The following ARHGAP18 variants were observed in gnomAD, a reference collection of about 807,000 sequenced individuals.
ARHGAP18 encodes the protein rho GTPase-activating protein 18.
ARHGAP18 carries 67 observed loss-of-function variants against 86.2 expected under a neutral mutation model. The ratio of observed to expected loss-of-function variants is 0.78; its 90% CI spans 0.64 to 0.95. ARHGAP18 has a LOEUF of 0.95. ARHGAP18 is among the 40% of genes least tolerant of loss of function. The pLI, the probability that ARHGAP18 is intolerant of heterozygous loss-of-function variation, is 0.00. For missense variants in ARHGAP18, 691 were observed against 780.4 expected, an observed-to-expected ratio of 0.89 and a Z score of 1.37; for synonymous variants, 283 against 280.4, an observed-to-expected ratio of 1.01 and a Z score of -0.09.
At chr6:129,608,678 T>C (rs1274747527) in intron 8 of ARHGAP18, among the ~76,000 whole-genome samples, 1 of 152,216 alleles carries the variant, frequency 6.6e-6, no homozygotes, top group Non-Finnish European at 1.5e-5. Flanking sequence ...CTCAGAACTC[T>C]ACAAAATTTG....
intron 1 of ARHGAP18, among the ~76,000 whole-genome samples, chr6:129,657,586 A>G (rs1262800846): frequency 6.6e-6 from 1 of 152,224 alleles, no homozygotes; most frequent in Non-Finnish European, 1.5e-5. Flanking sequence ...CAGGGCAACC[A>G]TCTGCATCGC....
chr6:129,667,713 G>T (rs1266915111), intron 1 of ARHGAP18, among the ~76,000 whole-genome samples: 2 of 151,926 alleles, frequency 1.3e-5, no homozygotes, highest in African/African-American at 4.8e-5. Context: ...GGAGGGCAAG[G>T]AGAAACTGAC....
At chr6:129,630,185 A>G (rs932334469) in intron 4 of ARHGAP18, among the ~76,000 whole-genome samples, 4 of 152,196 alleles carry the variant, frequency 2.6e-5, no homozygotes, top group Non-Finnish European at 4.4e-5. Flanking sequence ...TAATTTTCAC[A>G]TATTTACATC....
chr6:129,606,024 T>G (rs555606373), intron 9 of ARHGAP18, 65 bp from the exon 10 acceptor site: 1 of 1,517,050 alleles, frequency 6.6e-7, no homozygotes, highest in East Asian at 2.3e-5. Context: ...ACTTTATTTT[T>G]TCACTTTTTA....
intron 1 of ARHGAP18, among the ~76,000 whole-genome samples, chr6:129,708,138 G>T (rs970429437): frequency 3.9e-5 from 6 of 152,148 alleles, no homozygotes; most frequent in Non-Finnish European, 8.8e-5. Context: ...TAGCCCTTAA[G>T]GGTAAAAGCC....
At position 129,578,419 on chromosome 6, in the gene ARHGAP18, T is replaced by C. The variant is rs992159685; in HGVS notation, c.*94A>G. ...TTTTAAATACTTGGGTACAACTGAA[T>C]AATATGAGTCCTGCCATTTCTTTTA... On this transcript the variant is annotated 3_prime_UTR_variant, in exon 15 of 15. Transcript: ENST00000368149. 5.3e-6 allele frequency: 5 copies of C among 941,246 alleles called. No individual in the cohort carries two copies. Among genetic ancestry groups the C allele is most frequent in the Non-Finnish European group, 8.0e-6 (5 of 623,514 alleles). 58.3% of individuals were successfully genotyped at this position (941,246 alleles called of 1,614,324 possible). A position where few individuals can be genotyped will look rare whatever the true frequency, so the allele number is the denominator to read the frequency against.
chr6:129,634,107 TAAACATA>T lies in ARHGAP18; in HGVS notation c.553-9_553-3del. ...CTGCGATTCAGTGCCACCTGGAGCC[TAAACATA>T]GAAAACAGGCCATTTAGTCATCTCC... On this transcript the variant is annotated splice_region_variant and splice_polypyrimidine_tract_variant and intron_variant, in intron 3 of 14. Coordinates refer to ENST00000368149, the MANE Select transcript of ARHGAP18 (RefSeq NM_033515.3). 1.2e-6 allele frequency: 2 copies of T among 1,613,320 alleles called. No individual in the cohort carries two copies. The highest frequency in any genetic ancestry group is 1.7e-6 in the Non-Finnish European group (2 of 1,179,704).
At chr6:129,606,695 C>T (rs1053828425) in intron 9 of ARHGAP18, among the ~76,000 whole-genome samples, 2 of 151,896 alleles carry the variant, frequency 1.3e-5, no homozygotes, top group Non-Finnish European at 2.9e-5. Context: ...AAAGAAGAAA[C>T]ATGTTAAGAA....
At chr6:129,625,209 T>C (rs1312068634) in intron 5 of ARHGAP18, among the ~76,000 whole-genome samples, 2 of 58,140 alleles carry the variant, frequency 3.4e-5, no homozygotes, top group Non-Finnish European at 3.0e-5. Context: ...TATTTATATG[T>C]AATATATATG....
chr6:129,593,544 T>C (rs1788558991), intron 12 of ARHGAP18, among the ~76,000 whole-genome samples: 2 of 152,316 alleles, frequency 1.3e-5, no homozygotes, highest in East Asian at 1.9e-4. Flanking sequence ...AACCTGATCC[T>C]ACCCTATCAT....
chr6:129,597,353 G>A (rs1788634846), intron 12 of ARHGAP18, among the ~76,000 whole-genome samples: 1 of 152,070 alleles, frequency 6.6e-6, no homozygotes. Flanking sequence ...CCAGGCTGGA[G>A]ATGAGAATTT....
chr6:129,664,016 C>T (rs1773996856), intron 1 of ARHGAP18, among the ~76,000 whole-genome samples: 1 of 152,230 alleles, frequency 6.6e-6, no homozygotes, highest in East Asian at 1.9e-4. Context: ...GGGGCTGGCC[C>T]CTTTGAACAG....
In ARHGAP18 at chr6:129,618,863, C is replaced by T. The variant is rs1171492212; in HGVS notation, c.787-11G>A. 9.9e-6 allele frequency: 16 copies of T among 1,610,018 alleles called. No homozygotes were observed. Among genetic ancestry groups the T allele is most frequent in the African/African-American group, 1.3e-5 (1 of 74,694 alleles). ...TGGCAATCTGAAACTCTAAAATAAA[C>T]ATCATTAATATAGTAAAAGCTTACA... On this transcript the variant is annotated splice_polypyrimidine_tract_variant and intron_variant, in intron 5 of 14. Transcript: ENST00000368149.
At chr6:129,641,704 CT>C in intron 2 of ARHGAP18, 111 bp downstream of exon 2, 15 of 991,106 alleles carry the variant, frequency 1.5e-5, no homozygotes, top group South Asian at 3.4e-5. Context: ...AAGGCAGTAT[CT>C]TTTTTTGGTG....
Position 129,600,867 on chromosome 6 carries a change from T to C in ARHGAP18, c.1366-19A>G, listed in dbSNP as rs781144330. On this transcript the variant is annotated intron_variant, in intron 10 of 14. Transcript: ENST00000368149. ...GAAGGGCCTGAAACAGAAATGACTC[T>C]TTGAGATTTGTGTCATATATGAAGA... 4 of 1,587,584 alleles carry C rather than the reference T, an allele frequency of 2.5e-6. No individual in the cohort carries two copies. Among genetic ancestry groups the C allele is most frequent in the Non-Finnish European group, 3.4e-6 (4 of 1,159,844 alleles).
chr6:129,623,494 T>G (rs966603187), intron 5 of ARHGAP18, among the ~76,000 whole-genome samples: 6 of 152,176 alleles, frequency 3.9e-5, no homozygotes, highest in African/African-American at 1.4e-4. Flanking sequence ...CATAAAGAAT[T>G]GACAAAGGTT....
intron 5 of ARHGAP18, among the ~76,000 whole-genome samples, chr6:129,625,104 TTA>T (rs1271844173): frequency 3.8e-5 from 3 of 78,320 alleles, no homozygotes; most frequent in African/African-American, 5.1e-5. Flanking sequence ...ATGATATATA[TTA>T]TATATTATAT....
At chr6:129,673,847 G>A (rs903626708) in intron 1 of ARHGAP18, among the ~76,000 whole-genome samples, 5 of 152,098 alleles carry the variant, frequency 3.3e-5, no homozygotes, top group African/African-American at 1.2e-4. Flanking sequence ...ATGCAGAAAA[G>A]GAAGTAGATA....
At chr6:129,694,481 C>T (rs1255647100) in intron 1 of ARHGAP18, among the ~76,000 whole-genome samples, 1 of 152,174 alleles carries the variant, frequency 6.6e-6, no homozygotes, top group East Asian at 1.9e-4. Context: ...CAATTTTCTG[C>T]AAGAAAACAC....
Sources: allele counts gnomAD v4.1 joint callset (sites outside exome capture counted in the v4.1 genomes callset), GRCh38; gene constraint gnomAD v4.1.1; transcripts MANE v1.5; gene names NCBI Gene and HGNC (gene_info 2026-07-23, HGNC 2026-07-21).